Variants in ADAM18 observed in about 807,000 individuals in gnomAD.
The protein encoded by ADAM18 is ADAM metallopeptidase domain 18.
In ADAM18, 117 loss-of-function variants were observed where a neutral mutation model predicts 94.4. The observed-to-expected ratio is 1.24, with a 90% confidence interval of 1.07 to 1.45. The LOEUF is 1.45. Ranked by LOEUF, ADAM18 falls within the 40% of genes most tolerant of loss-of-function variation. The pLI is 0.00. For synonymous variants in ADAM18, 327 were observed against 291.6 expected (o/e 1.12, Z -1.24); for missense variants, 936 against 880.0 (o/e 1.06, Z -0.81).
At chr8:39,638,006 G>A (rs777194664) in intron 9 of ADAM18, among the ~76,000 whole-genome samples, 15 of 151,742 alleles carry the variant, frequency 9.9e-5, no homozygotes, top group South Asian at 6.2e-4. Context: ...ATGTAAAAAC[G>A]GAGACTATTC....
intron 12 of ADAM18, among the ~76,000 whole-genome samples, chr8:39,653,682 A>G (rs973328573): frequency 6.6e-6 from 1 of 152,192 alleles, no homozygotes; most frequent in East Asian, 1.9e-4. Context: ...TCTGATGAGG[A>G]TATTTCAAGA....
intron 16 of ADAM18, among the ~76,000 whole-genome samples, chr8:39,688,596 GTGTATA>G (rs1821677264): frequency 6.6e-6 from 1 of 152,124 alleles, no homozygotes; most frequent in South Asian, 2.1e-4. Context: ...GTATTCCATA[GTGTATA>G]TGTAGCACAT....
At chr8:39,607,946 CT>C (rs1438635761) in intron 3 of ADAM18, among the ~76,000 whole-genome samples, 1 of 151,942 alleles carries the variant, frequency 6.6e-6, no homozygotes, top group Admixed American at 6.6e-5. Context: ...GCCATATTCA[CT>C]TATCTGAGTA....
intron 6 of ADAM18, among the ~76,000 whole-genome samples, chr8:39,625,173 G>A (rs1165748830): frequency 6.6e-6 from 1 of 152,152 alleles, no homozygotes; most frequent in Non-Finnish European, 1.5e-5. Context: ...CCATCCATGA[G>A]CATGGGATGA....
chr8:39,677,371 C>T (rs1322694377), intron 14 of ADAM18, 60 bp from the exon 15 acceptor site: 38 of 1,367,068 alleles, frequency 2.8e-5, no homozygotes, highest in Non-Finnish European at 3.9e-5. Flanking sequence ...TAGTCTGTTA[C>T]TGACAAACAT....
At chr8:39,654,357 G>A (rs914572603) in intron 12 of ADAM18, among the ~76,000 whole-genome samples, 13 of 151,036 alleles carry the variant, frequency 8.6e-5, no homozygotes, top group Non-Finnish European at 1.3e-4. Context: ...GGCGTGAGCC[G>A]CCGCACCTGG....
chr8:39,672,194 G>A (rs1312483144), intron 14 of ADAM18, among the ~76,000 whole-genome samples: 1 of 152,146 alleles, frequency 6.6e-6, no homozygotes, highest in Admixed American at 6.5e-5. Flanking sequence ...TGTATTTAAG[G>A]CCAAATGATT....
intron 19 of ADAM18, 59 bp downstream of exon 19, chr8:39,723,966 C>A: frequency 9.5e-7 from 1 of 1,053,366 alleles, no homozygotes; most frequent in Non-Finnish European, 1.3e-6. Context: ...TAACCAGTGT[C>A]ATGCATTTTA....
In ADAM18 at chr8:39,647,584, C is replaced by T. The variant is rs6982755; in HGVS notation, c.1047-760C>T. On this transcript the variant is annotated intron_variant, in intron 11 of 19. Transcript: ENST00000265707. ...CATTTACGGGTGTCAGGCTGGGGGA[C>T]GGTCAGGTCTTTGTCATCCCACGAG... Among the ~76,000 whole-genome samples, 528 of 152,204 alleles carry T rather than the reference C, an allele frequency of 3.5e-3. 2 individuals are homozygous for T. Among genetic ancestry groups the T allele is most frequent in the Middle Eastern group, 0.027 (8 of 294 alleles).
At chr8:39,714,139 C>T (rs938621181) in intron 18 of ADAM18, among the ~76,000 whole-genome samples, 26 of 151,928 alleles carry the variant, frequency 1.7e-4, no homozygotes, top group Admixed American at 1.5e-3. Context: ...TGTCCTTTGC[C>T]GGGACATGGA....
Position 39,655,182 on chromosome 8 carries a change from C to T in ADAM18, c.1230+6655C>T, listed in dbSNP as rs552043075. Among the ~76,000 whole-genome samples the T allele has an allele frequency of 5.3e-5, 8 of 152,216 alleles. No individual in the cohort carries two copies. The South Asian group carries it at 1.2e-3, about 24-fold the overall frequency. On this transcript the variant is annotated intron_variant, in intron 12 of 19. Coordinates refer to ENST00000265707, the MANE Select transcript of ADAM18 (RefSeq NM_014237.3). ...TCAGGTATTACATTTAAGTCTTTAA[C>T]TCACTTTTAGTTAATTTTTGTAAAT...
In ADAM18 at chr8:39,692,652, A is replaced by G. The variant is rs1821814631; in HGVS notation, c.1874A>G (p.Asn625Ser). The change falls in exon 17 of 20, where the codon AAT (asparagine) becomes AGT (serine). Residue 625 changes from asparagine (N) to serine (S), a missense_variant. Physicochemically the swap from Asn to Ser is conservative, Grantham distance 46. Transcript: ENST00000265707. ...GTTCATTTAATGGGATATAACTGTA[A>G]TGCCACCACAAAATGCAAAGGGAAA... Reference protein sequence around the residue: ...RKVHLMGYNCNATTKCKGKGI... With the variant: ...RKVHLMGYNCSATTKCKGKGI... The G allele has an allele frequency of 6.2e-7, 1 of 1,607,366 alleles. No individual in the cohort carries two copies. Among genetic ancestry groups the G allele is most frequent in the African/African-American group, 1.3e-5 (1 of 74,642 alleles).
intron 19 of ADAM18, among the ~76,000 whole-genome samples, chr8:39,725,527 C>T (rs138638991): frequency 6.6e-6 from 1 of 152,284 alleles, no homozygotes; most frequent in Non-Finnish European, 1.5e-5. Flanking sequence ...AACCACTGTT[C>T]TACTCTCTGC....
At position 39,631,849 on chromosome 8, in the gene ADAM18, C is replaced by T. The variant is rs112539234; in HGVS notation, c.588+2410C>T. Among the ~76,000 whole-genome samples, 44 of 152,056 alleles carry T rather than the reference C, an allele frequency of 2.9e-4. 1 individual carries two copies. In the South Asian group the frequency reaches 8.3e-3, roughly 29 times the overall value. Reference sequence around the variant, plus strand: ...CTTTACATTTTTTGTTAATTCCTTTCGTCAGTGTTCTATGGTGTTCTTGAA... The same window carrying T: ...CTTTACATTTTTTGTTAATTCCTTTTGTCAGTGTTCTATGGTGTTCTTGAA... On this transcript the variant is annotated intron_variant, in intron 7 of 19. Transcript: ENST00000265707.
chr8:39,622,692 T>C (rs1388666783), intron 6 of ADAM18, among the ~76,000 whole-genome samples: 1 of 152,122 alleles, frequency 6.6e-6, no homozygotes, highest in African/African-American at 2.4e-5. Context: ...CATGTCTTAT[T>C]TAATGCTATT....
At chr8:39,620,539 A>G (rs1819584974) in intron 6 of ADAM18, among the ~76,000 whole-genome samples, 1 of 147,696 alleles carries the variant, frequency 6.8e-6, no homozygotes, top group Non-Finnish European at 1.5e-5. Context: ...ACAAGTAGCC[A>G]ACTGTTATAT....
intron 18 of ADAM18, among the ~76,000 whole-genome samples, chr8:39,718,561 G>A (rs1360225051): frequency 2.6e-5 from 4 of 151,352 alleles, no homozygotes; most frequent in Non-Finnish European, 5.9e-5. Context: ...TAGTATGATG[G>A]GGTGGAAAAT....
chr8:39,612,512 A>G (rs916999703), intron 6 of ADAM18, among the ~76,000 whole-genome samples: 1 of 152,086 alleles, frequency 6.6e-6, no homozygotes, highest in African/African-American at 2.4e-5. Context: ...CAGGGACAGG[A>G]CCCCAGCCTG....
Position 39,607,374 on chromosome 8 carries a change from T to C in ADAM18, c.188+1012T>C, listed in dbSNP as rs140671444. The stretch of plus-strand genomic sequence containing the variant: ...TTCTCTGTCTGCATCTTCAAACATA[T>C]GTATTTATAGCAACTGTCCCTTGTC... On this transcript the variant is annotated intron_variant, in intron 3 of 19. Transcript: ENST00000265707. Among the ~76,000 whole-genome samples, 121 of 152,330 alleles carry C rather than the reference T, an allele frequency of 7.9e-4. 1 individual carries two copies. Among genetic ancestry groups the C allele is most frequent in the African/African-American group, 2.8e-3 (118 of 41,582 alleles).
Sources: allele counts gnomAD v4.1 joint callset (sites outside exome capture counted in the v4.1 genomes callset), GRCh38; gene constraint gnomAD v4.1.1; transcripts MANE v1.5; gene names NCBI Gene and HGNC (gene_info 2026-07-23, HGNC 2026-07-21).